Variants in CACNA1E observed in about 807,000 individuals in gnomAD.
CACNA1E encodes voltage-dependent R-type calcium channel subunit alpha-1E.
Under a neutral mutation model 259.2 loss-of-function variants are expected in CACNA1E, and 40 were observed. That is an observed-to-expected ratio of 0.15 (90% confidence interval 0.12 to 0.20). The LOEUF (loss-of-function observed/expected upper bound fraction) is 0.20, where lower values mean the gene tolerates loss of function less well. CACNA1E is among the 10% of genes least tolerant of loss of function. CACNA1E has a pLI of 1.00. For synonymous variants in CACNA1E, 1,104 were observed against 1,138.5 expected (o/e 0.97, Z 0.61); for missense variants, 1,874 against 3,040.1 (o/e 0.62, Z 9.02).
intron 2 of CACNA1E, among the ~76,000 whole-genome samples, chr1:181,419,498 C>G (rs1467287639): frequency 1.3e-5 from 2 of 152,184 alleles, no homozygotes; most frequent in African/African-American, 2.4e-5. Flanking sequence ...CTCTCTTTCC[C>G]TCTTTATTTT....
chr1:181,546,958 G>A (rs141741548), intron 3 of CACNA1E, among the ~76,000 whole-genome samples: 12 of 152,086 alleles, frequency 7.9e-5, no homozygotes, highest in Admixed American at 4.6e-4. Flanking sequence ...CTTTGATGTC[G>A]TCCTCCTGGC....
intron 2 of CACNA1E, among the ~76,000 whole-genome samples, chr1:181,460,090 A>T (rs1661707280): frequency 6.6e-6 from 1 of 152,192 alleles, no homozygotes; most frequent in Non-Finnish European, 1.5e-5. Flanking sequence ...TTCTGGGGGA[A>T]ACCACACTTA....
At chr1:181,429,705 G>T (rs60781448) in intron 2 of CACNA1E, among the ~76,000 whole-genome samples, 4,972 of 152,144 alleles carry the variant, frequency 0.033, 289 homozygotes, top group African/African-American at 0.11. Flanking sequence ...GGCTGTGGCC[G>T]GGAAGACAGA....
chr1:181,382,364 T>C (rs1449723866), intron 1 of CACNA1E, among the ~76,000 whole-genome samples: 1 of 152,152 alleles, frequency 6.6e-6, no homozygotes, highest in African/African-American at 2.4e-5. Context: ...AAGTTATCAA[T>C]GGGTTTTTAG....
intron 32 of CACNA1E, among the ~76,000 whole-genome samples, chr1:181,759,232 C>A (rs918889195): frequency 1.3e-5 from 2 of 152,144 alleles, no homozygotes; most frequent in Non-Finnish European, 2.9e-5. Context: ...TTTTATAACA[C>A]AAATGGGAAA....
At chr1:181,332,908 G>A (rs1651400082) in intron 1 of CACNA1E, among the ~76,000 whole-genome samples, 1 of 152,154 alleles carries the variant, frequency 6.6e-6, no homozygotes, top group African/African-American at 2.4e-5. Context: ...CCTCGATCAA[G>A]GCTATCCATC....
intron 6 of CACNA1E, among the ~76,000 whole-genome samples, chr1:181,603,931 T>A (rs926578172): frequency 1.3e-5 from 2 of 152,130 alleles, no homozygotes; most frequent in Non-Finnish European, 2.9e-5. Context: ...GCTCACTTGG[T>A]AGGAGAAGTG....
intron 7 of CACNA1E, among the ~76,000 whole-genome samples, chr1:181,667,929 T>C (rs1648402643): frequency 6.6e-6 from 1 of 152,086 alleles, no homozygotes; most frequent in Non-Finnish European, 1.5e-5. Context: ...TGTATTCTTC[T>C]CCCAGTTTCC....
intron 1 of CACNA1E, among the ~76,000 whole-genome samples, chr1:181,351,787 G>A (rs1162228365): frequency 1.3e-5 from 2 of 152,178 alleles, no homozygotes; most frequent in Non-Finnish European, 2.9e-5. Flanking sequence ...ATTTGTGATT[G>A]CATTTAGGCC....
Position 181,733,508 on chromosome 1 carries a change from T to C in CACNA1E, c.3020T>C (p.Val1007Ala). Residue 1007 changes from valine (V) to alanine (A), a missense_variant, in exon 21 of 48, where the codon GTC becomes GCC. Physicochemically the swap from Val to Ala is moderately conservative, Grantham distance 64. Around this residue, in one of 14 missense-constraint regions of CACNA1E, gnomAD observed 476 missense variants for 514.0 expected, o/e 0.93. Transcript: ENST00000367573. ...CTTGATGAGGCTGACACCCCCCTAGTCCTGCCCCATCCTGAGCTGGAAGTG... is the reference window on the plus strand; with the variant it reads ...CTTGATGAGGCTGACACCCCCCTAGCCCTGCCCCATCCTGAGCTGGAAGTG... ...GGLDEADTPL[V>A]LPHPELEVGK... 2 of 1,605,662 alleles carry C rather than the reference T, an allele frequency of 1.2e-6. No homozygotes were observed. Among genetic ancestry groups the C allele is most frequent in the Non-Finnish European group, 1.7e-6 (2 of 1,175,338 alleles).
intron 3 of CACNA1E, among the ~76,000 whole-genome samples, chr1:181,555,874 C>G (rs1648665325): frequency 6.6e-6 from 1 of 152,206 alleles, no homozygotes. Flanking sequence ...GAAAGGCATG[C>G]AGCCTTTCTT....
intron 1 of CACNA1E, among the ~76,000 whole-genome samples, chr1:181,337,513 C>T (rs1368972895): frequency 1.3e-5 from 2 of 152,154 alleles, no homozygotes; most frequent in East Asian, 3.8e-4. Context: ...TGACCTACTT[C>T]TCCACTTTTC....
intron 6 of CACNA1E, among the ~76,000 whole-genome samples, chr1:181,588,089 T>C (rs1325770772): frequency 1.3e-5 from 2 of 152,068 alleles, no homozygotes; most frequent in Admixed American, 6.5e-5. Context: ...ATGTGCAGAG[T>C]AAGCTGTGAC....
At chr1:181,718,550 T>C (rs1654117909) in intron 12 of CACNA1E, among the ~76,000 whole-genome samples, 1 of 151,556 alleles carries the variant, frequency 6.6e-6, no homozygotes, top group African/African-American at 2.4e-5. Flanking sequence ...GAGAAGCTTA[T>C]ATATTTGTTT....
At chr1:181,532,470 A>G (rs506947) in intron 3 of CACNA1E, among the ~76,000 whole-genome samples, 25,654 of 152,232 alleles carry the variant, frequency 0.17, 2,327 homozygotes, top group African/African-American at 0.23. Flanking sequence ...AGCTTCTCCC[A>G]AGCTTGGTGC....
intron 2 of CACNA1E, among the ~76,000 whole-genome samples, chr1:181,446,472 G>A (rs1040160482): frequency 7.2e-5 from 11 of 152,322 alleles, no homozygotes; most frequent in South Asian, 6.2e-4. Context: ...TGCACAATGC[G>A]TAGAGGTACT....
intron 1 of CACNA1E, among the ~76,000 whole-genome samples, chr1:181,386,003 T>C (rs1655820840): frequency 6.6e-6 from 1 of 152,240 alleles, no homozygotes; most frequent in South Asian, 2.1e-4. Context: ...TTTGTTCTCA[T>C]GTAATTTGCA....
At chr1:181,624,340 A>G (rs1655998201) in intron 6 of CACNA1E, among the ~76,000 whole-genome samples, 1 of 152,196 alleles carries the variant, frequency 6.6e-6, no homozygotes, top group African/African-American at 2.4e-5. Context: ...TGCTGCAGCC[A>G]TTGACTCTTT....
intron 1 of CACNA1E, among the ~76,000 whole-genome samples, chr1:181,382,651 T>G (rs1199957291): frequency 6.6e-6 from 1 of 152,226 alleles, no homozygotes; most frequent in Non-Finnish European, 1.5e-5. Context: ...ACCAACCACC[T>G]TATTTTCCAC....
Sources: allele counts gnomAD v4.1 joint callset (sites outside exome capture counted in the v4.1 genomes callset), GRCh38; gene constraint gnomAD v4.1.1; regional missense constraint gnomAD v4.1.1; transcripts MANE v1.5; gene names NCBI Gene and HGNC (gene_info 2026-07-23, HGNC 2026-07-21).